Variants in PTPRN2 observed in about 807,000 individuals in gnomAD.
The protein encoded by PTPRN2 is protein tyrosine phosphatase receptor type N2, also known as receptor-type tyrosine-protein phosphatase N2.
PTPRN2 carries 74 observed loss-of-function variants against 118.8 expected under a neutral mutation model. The ratio of observed to expected loss-of-function variants is 0.62; its 90% confidence interval spans 0.52 to 0.76. PTPRN2 has a LOEUF of 0.76. Ranked by LOEUF, PTPRN2 falls within the 30% of genes least tolerant of loss-of-function variation. The pLI, the probability that PTPRN2 is intolerant of heterozygous loss-of-function variation, is 0.00. For missense variants in PTPRN2, 1,481 were observed against 1,394.4 expected, an observed-to-expected ratio of 1.06 and a Z score of -0.99; for synonymous variants, 641 against 608.0, an observed-to-expected ratio of 1.05 and a Z score of -0.80.
rs201605263 is a variant in PTPRN2, at chr7:158,216,429, G to GT, written c.278-11157dup. Among the ~76,000 whole-genome samples the GT allele has an allele frequency of 4.8e-3, 729 of 151,528 alleles. 7 individuals are homozygous for GT. The highest frequency in any genetic ancestry group is 0.017 in the African/African-American group (684 of 41,330). On this transcript the variant is annotated intron_variant, in intron 3 of 22. Coordinates refer to ENST00000389418, the MANE Select transcript of PTPRN2 (RefSeq NM_002847.5). ...GACAATGAAAACACTGGCTGAGTGG[G>GT]TTTTTTTTAAAAAAAGACTCAACTA... is the stretch of plus-strand genomic sequence containing the variant.
intron 12 of PTPRN2, among the ~76,000 whole-genome samples, chr7:157,687,403 T>C (rs942028144): frequency 1.3e-5 from 2 of 152,232 alleles, no homozygotes; most frequent in Non-Finnish European, 2.9e-5. Flanking sequence ...GAGCAGTTCA[T>C]TCTCTGAGTC....
rs1360908652 is a variant in PTPRN2 at position 157,831,186 on chromosome 7, G to A, written c.1788+67487C>T. On this transcript the variant is annotated intron_variant, in intron 12 of 22. Transcript: ENST00000389418. This position sits in a 1 kb window ranked among gnomAD's most constrained non-coding sequence, Gnocchi z 4.8. ...ACTCCTTGCTGTGAGCCCAGCTGTG[G>A]GGAGGAACTGCTCGGGCCCTGCAGC... 1.3e-5 allele frequency among the ~76,000 whole-genome samples: 2 copies of A among 152,182 alleles called. No homozygotes were observed. Among genetic ancestry groups the A allele is most frequent in the Non-Finnish European group, 2.9e-5 (2 of 68,038 alleles).
intron 6 of PTPRN2, among the ~76,000 whole-genome samples, chr7:158,160,695 C>T (rs1335300900): frequency 6.6e-6 from 1 of 152,172 alleles, no homozygotes; most frequent in Non-Finnish European, 1.5e-5. Flanking sequence ...AGTTATACAG[C>T]TGGGTGCACA....
Position 158,138,325 on chromosome 7 carries a change from G to A in PTPRN2, c.1101C>T (p.Pro367=), listed in dbSNP as rs1324341398. 6.8e-6 allele frequency: 11 copies of A among 1,613,332 alleles called. No individual in the cohort carries two copies. Among genetic ancestry groups the A allele is most frequent in the African/African-American group, 1.3e-5 (1 of 74,922 alleles). ...AGCTGTCTCCACGGAGGGTGGCCTTGGGGCCATCCGCCTGTTCTCCAGACT... is the reference window on the plus strand; with the variant it reads ...AGCTGTCTCCACGGAGGGTGGCCTTAGGGCCATCCGCCTGTTCTCCAGACT... ...LGESGEQADG[P]KATLRGDSFP... The change falls in exon 7 of 23, where the codon CCC becomes CCT. Residue 367 remains proline, a synonymous_variant. Coordinates refer to ENST00000389418, the MANE Select transcript of PTPRN2 (RefSeq NM_002847.5).
chr7:157,725,145 A>C (rs1419489803), intron 12 of PTPRN2, among the ~76,000 whole-genome samples: 4 of 152,106 alleles, frequency 2.6e-5, no homozygotes, highest in Non-Finnish European at 2.9e-5. Flanking sequence ...GGATATCTAC[A>C]CGCAGAGGAG....
chr7:158,337,076 G>C (rs1401762647), intron 2 of PTPRN2, among the ~76,000 whole-genome samples: 14 of 119,914 alleles, frequency 1.2e-4, no homozygotes, highest in African/African-American at 3.5e-4. Context: ...GCTGACACCC[G>C]CAGACGTCAC....
At position 157,779,194 on chromosome 7, in the gene PTPRN2, G is replaced by C. The variant is rs7797028; in HGVS notation, c.1789-96257C>G. ...GCGCTACATTGAGGATGCTGGACAC[G>C]GCTTATCTCCTGGAGGAGGGCTGCC... On this transcript the variant is annotated intron_variant, in intron 12 of 22. Coordinates refer to ENST00000389418, the MANE Select transcript of PTPRN2 (RefSeq NM_002847.5). The surrounding 1 kb of genome is among the most constrained non-coding windows in gnomAD (Gnocchi z 4.7). Among the ~76,000 whole-genome samples, 2,310 of 152,288 alleles carry C rather than the reference G, an allele frequency of 0.015. 58 individuals carry two copies. Among genetic ancestry groups the C allele is most frequent in the African/African-American group, 0.051 (2,139 of 41,554 alleles).
chr7:157,964,034 A>AT lies in PTPRN2; in HGVS notation c.1724-65298dup, dbSNP rs201773013. Among the ~76,000 whole-genome samples, 56 of 152,116 alleles carry AT rather than the reference A, an allele frequency of 3.7e-4. No individual in the cohort carries two copies. The highest frequency in any genetic ancestry group is 3.4e-3 in the Middle Eastern group (1 of 292). On this transcript the variant is annotated intron_variant, in intron 11 of 22. Coordinates refer to ENST00000389418, the MANE Select transcript of PTPRN2 (RefSeq NM_002847.5). This position sits in a 1 kb window ranked among gnomAD's most constrained non-coding sequence, Gnocchi z 9.0. Reference sequence around the variant, plus strand: ...TTTGCCCTGTTCAAGTTCAAGCAGTATTTTTTTTAATAAAGATTATTCCCA... The same window carrying AT: ...TTTGCCCTGTTCAAGTTCAAGCAGTATTTTTTTTTAATAAAGATTATTCCCA...
At chr7:158,521,347 G>C (rs1345386218) in intron 1 of PTPRN2, among the ~76,000 whole-genome samples, 3 of 152,206 alleles carry the variant, frequency 2.0e-5, no homozygotes, top group Admixed American at 6.5e-5. Flanking sequence ...TGCTGAGTTA[G>C]AGACAGTACT....
In PTPRN2 at chr7:158,579,646, T is replaced by C. The variant is rs576962800; in HGVS notation, c.112+7912A>G. ...ACGCTGCATGGAAGCAGTACTGTCA[T>C]TTAATTTGTGCTCTTGAAACAGCCA... On this transcript the variant is annotated intron_variant, in intron 1 of 22. Transcript: ENST00000389418. 2.6e-5 allele frequency among the ~76,000 whole-genome samples: 4 copies of C among 152,376 alleles called. No homozygotes were observed. In the East Asian group the frequency reaches 5.8e-4, roughly 22 times the overall value.
intron 12 of PTPRN2, among the ~76,000 whole-genome samples, chr7:157,759,204 C>T (rs1346511830): frequency 2.0e-5 from 3 of 152,256 alleles, no homozygotes; most frequent in Admixed American, 6.5e-5. Context: ...TGGGCGCAGG[C>T]GGTCGGCATT....
At chr7:158,076,941 A>G (rs1168418906) in intron 11 of PTPRN2, among the ~76,000 whole-genome samples, 1 of 152,164 alleles carries the variant, frequency 6.6e-6, no homozygotes, top group Non-Finnish European at 1.5e-5. Flanking sequence ...AGCGGACCAG[A>G]CTGTGAAGCA....
intron 2 of PTPRN2, among the ~76,000 whole-genome samples, chr7:158,333,811 A>G (rs1444425078): frequency 4.5e-5 from 6 of 133,300 alleles, no homozygotes; most frequent in South Asian, 2.6e-4. Context: ...GCTGAGGCCC[A>G]CAGAGGTCAC....
At chr7:158,338,003 ATTG>A (rs1563169246) in intron 2 of PTPRN2, among the ~76,000 whole-genome samples, 1 of 49,940 alleles carries the variant, frequency 2.0e-5, no homozygotes, top group Non-Finnish European at 4.1e-5. Flanking sequence ...TCTCACCATA[ATTG>A]GTGACACCTG....
intron 2 of PTPRN2, among the ~76,000 whole-genome samples, chr7:158,366,697 T>C (rs2151306951): frequency 6.6e-6 from 1 of 152,268 alleles, no homozygotes; most frequent in African/African-American, 2.4e-5. Context: ...CTGGGACTTG[T>C]CCTAAGGACA....
intron 5 of PTPRN2, among the ~76,000 whole-genome samples, chr7:158,174,585 C>G (rs1165706695): frequency 6.6e-6 from 1 of 152,210 alleles, no homozygotes; most frequent in East Asian, 1.9e-4. Flanking sequence ...ACCCCTACTG[C>G]TGCTGTGTGC....
chr7:157,932,438 T>C (rs1230504997), intron 11 of PTPRN2, among the ~76,000 whole-genome samples: 1 of 152,240 alleles, frequency 6.6e-6, no homozygotes, highest in Non-Finnish European at 1.5e-5. Context: ...TAGAATGGGG[T>C]GAGTCACTTT....
chr7:158,418,034 C>T (rs558741232), intron 2 of PTPRN2, among the ~76,000 whole-genome samples: 18 of 150,214 alleles, frequency 1.2e-4, no homozygotes, highest in East Asian at 3.9e-4. Context: ...CTCAGTGTCC[C>T]GCTGTGTTAA....
chr7:158,141,071 C>T (rs1190807671), intron 6 of PTPRN2, among the ~76,000 whole-genome samples: 1 of 151,800 alleles, frequency 6.6e-6, no homozygotes, highest in Non-Finnish European at 1.5e-5. Flanking sequence ...TGCCACCCTC[C>T]ACGCTAGAGG....
Sources: allele counts gnomAD v4.1 joint callset (sites outside exome capture counted in the v4.1 genomes callset), GRCh38; gene constraint gnomAD v4.1.1; non-coding constraint Gnocchi (gnomAD v3.1); transcripts MANE v1.5; gene names NCBI Gene and HGNC (gene_info 2026-07-23, HGNC 2026-07-21).